Variants in ANKRD6 observed in about 807,000 individuals in gnomAD.
ANKRD6 encodes ankyrin repeat domain-containing protein 6.
ANKRD6 carries 56 observed loss-of-function variants against 82.3 expected under a neutral mutation model. The ratio of observed to expected loss-of-function variants is 0.68; its 90% confidence interval spans 0.55 to 0.85. The LOEUF is 0.85. Ranked by LOEUF, ANKRD6 falls within the 40% of genes least tolerant of loss-of-function variation. ANKRD6 has a pLI of 0.00. For missense variants in ANKRD6, 852 were observed against 907.6 expected (o/e 0.94, Z 0.79); for synonymous variants, 347 against 352.1 (o/e 0.99, Z 0.16).
intron 1 of ANKRD6, among the ~76,000 whole-genome samples, chr6:89,541,779 A>G (rs1447876985): frequency 6.6e-6 from 1 of 150,508 alleles, no homozygotes; most frequent in Admixed American, 6.6e-5. Context: ...GTCAGTTCCT[A>G]TATATAGTTT....
Position 89,460,909 on chromosome 6 carries a change from C to CTTTTTTTTTTTTTTT in ANKRD6, c.-144+27543_-144+27544insTTTTTTTTTTTTTTT, listed in dbSNP as rs143153320. On this transcript the variant is annotated intron_variant, in intron 1 of 15. Coordinates refer to ENST00000339746, the MANE Select transcript of ANKRD6 (RefSeq NM_001242809.2). ...AATACTACATCGGTGTTTTGGAATT[C>CTTTTTTTTTTTTTTT]TTTTTTTTTGAGACCGAGTCTCCCT... Among the ~76,000 whole-genome samples, 17 of 135,948 alleles carry CTTTTTTTTTTTTTTT rather than the reference C, an allele frequency of 1.3e-4. 1 individual carries two copies. Among genetic ancestry groups the CTTTTTTTTTTTTTTT allele is most frequent in the East Asian group, 6.6e-4 (3 of 4,572 alleles). 89.2% of individuals were successfully genotyped at this position (135,948 alleles called of 152,430 possible). A position where few individuals can be genotyped will look rare whatever the true frequency, so the allele number is the denominator to read the frequency against.
intron 1 of ANKRD6, among the ~76,000 whole-genome samples, chr6:89,549,131 G>A (rs1053007625): frequency 2.0e-5 from 3 of 152,132 alleles, no homozygotes; most frequent in East Asian, 3.9e-4. Flanking sequence ...TATTGCTTGA[G>A]CCTGGGAGGT....
At chr6:89,629,277 C>T in intron 15 of ANKRD6, 39 bp downstream of exon 15, 1 of 1,612,200 alleles carries the variant, frequency 6.2e-7, no homozygotes, top group Non-Finnish European at 8.5e-7. Context: ...CCAAAAGGAA[C>T]ACGACCAGCA....
At chr6:89,486,176 G>A (rs1346629075) in intron 1 of ANKRD6, among the ~76,000 whole-genome samples, 1 of 152,076 alleles carries the variant, frequency 6.6e-6, no homozygotes, top group Non-Finnish European at 1.5e-5. Flanking sequence ...CAACTTTGTA[G>A]CCAGTGACAG....
chr6:89,563,446 G>A (rs1381106193), intron 1 of ANKRD6, among the ~76,000 whole-genome samples: 1 of 152,206 alleles, frequency 6.6e-6, no homozygotes, highest in Non-Finnish European at 1.5e-5. Context: ...AGAATGCTGT[G>A]AAAAATGAAC....
chr6:89,527,046 T>C (rs1431735069), intron 1 of ANKRD6, among the ~76,000 whole-genome samples: 2 of 152,208 alleles, frequency 1.3e-5, no homozygotes, highest in African/African-American at 2.4e-5. Flanking sequence ...CCATACATAA[T>C]GTTTAACCAG....
chr6:89,562,737 G>C (rs1583294793), intron 1 of ANKRD6: 1 of 152,364 alleles, frequency 6.6e-6, no homozygotes, highest in East Asian at 1.9e-4. Flanking sequence ...AGCATCAGCA[G>C]AGGAGGCTAA....
intron 1 of ANKRD6, among the ~76,000 whole-genome samples, chr6:89,516,254 A>C (rs1211047619): frequency 6.6e-6 from 1 of 152,186 alleles, no homozygotes; most frequent in Non-Finnish European, 1.5e-5. Flanking sequence ...CCTCAGGGCC[A>C]GTCCTGATGG....
Position 89,623,939 on chromosome 6 carries a change from C to CATGA in ANKRD6, c.1100_1101insATGA (p.His368Ter). 1 of 1,613,912 alleles carries CATGA rather than the reference C, an allele frequency of 6.2e-7. No homozygotes were observed. The highest frequency in any genetic ancestry group is 1.1e-5 in the South Asian group (1 of 91,080). Reference sequence around the variant, plus strand: ...CCTGGACACCAGAAGAACCTGCATGCTCATAATCACCCTAAAAAGAGGAAC... The same window carrying CATGA: ...CCTGGACACCAGAAGAACCTGCATGCATGATCATAATCACCCTAAAAAGAGGAAC... On this transcript the variant is annotated stop_gained and frameshift_variant, in exon 12 of 16. Transcript: ENST00000339746. LOFTEE classifies it high-confidence loss of function.
chr6:89,514,905 C>T (rs1401834431), intron 1 of ANKRD6, among the ~76,000 whole-genome samples: 2 of 152,118 alleles, frequency 1.3e-5, no homozygotes. Context: ...CTTGTCTGGG[C>T]GTAGTAGTTT....
intron 6 of ANKRD6, 109 bp from the exon 7 acceptor site, chr6:89,613,683 A>G: frequency 1.8e-5 from 18 of 976,404 alleles, no homozygotes; most frequent in Non-Finnish European, 2.8e-5. Context: ...ATGATTCCCT[A>G]AAGAGTACAT....
chr6:89,489,545 C>G (rs1323817111), intron 1 of ANKRD6, among the ~76,000 whole-genome samples: 1 of 152,202 alleles, frequency 6.6e-6, no homozygotes, highest in Non-Finnish European at 1.5e-5. Context: ...GAAGTTTGGT[C>G]TTTTGCATCT....
chr6:89,478,917 G>A (rs868000719), intron 1 of ANKRD6, among the ~76,000 whole-genome samples: 7 of 152,060 alleles, frequency 4.6e-5, no homozygotes, highest in East Asian at 1.9e-4. Flanking sequence ...CACAGCCCTC[G>A]GAAGTAGCCT....
intron 1 of ANKRD6, among the ~76,000 whole-genome samples, chr6:89,488,019 C>A (rs1381906841): frequency 6.6e-6 from 1 of 152,168 alleles, no homozygotes; most frequent in African/African-American, 2.4e-5. Flanking sequence ...CACAGTGTAA[C>A]CTTTGTTACT....
At chr6:89,555,242 C>G (rs908183222) in intron 1 of ANKRD6, among the ~76,000 whole-genome samples, 2 of 151,658 alleles carry the variant, frequency 1.3e-5, no homozygotes, top group African/African-American at 4.8e-5. Flanking sequence ...AGGACAGTCT[C>G]CTTAGAAGGA....
At chr6:89,491,248 T>C (rs1293187590) in intron 1 of ANKRD6, among the ~76,000 whole-genome samples, 1 of 152,174 alleles carries the variant, frequency 6.6e-6, no homozygotes, top group East Asian at 1.9e-4. Flanking sequence ...ATGAACATGG[T>C]CTGGATTTTC....
intron 1 of ANKRD6, among the ~76,000 whole-genome samples, chr6:89,434,505 G>C (rs1207309556): frequency 6.6e-6 from 1 of 152,114 alleles, no homozygotes; most frequent in African/African-American, 2.4e-5. Context: ...TTGTTGTTTT[G>C]AGACAGAGTT....
intron 1 of ANKRD6, among the ~76,000 whole-genome samples, chr6:89,471,514 A>AG (rs1278037171): frequency 6.6e-6 from 1 of 152,044 alleles, no homozygotes; most frequent in African/African-American, 2.4e-5. Context: ...CCTGTGGATT[A>AG]CCTAATGTTA....
chr6:89,470,655 T>TA (rs1216054994), intron 1 of ANKRD6, among the ~76,000 whole-genome samples: 3 of 139,832 alleles, frequency 2.1e-5, no homozygotes, highest in African/African-American at 8.2e-5. Context: ...ACTCCCCCTT[T>TA]AAATGAGCAT....
Sources: gnomAD v4.1 joint callset for allele counts (sites outside exome capture counted in the v4.1 genomes callset) on GRCh38, gnomAD v4.1.1 for gene constraint, MANE v1.5 for transcripts, NCBI Gene and HGNC (gene_info 2026-07-23, HGNC 2026-07-21) for gene names.